TYW1: variants seen among roughly 807,000 people sequenced by gnomAD.
TYW1 encodes the protein S-adenosyl-L-methionine-dependent tRNA 4-demethylwyosine synthase TYW1.
In TYW1, 46 loss-of-function variants were observed where a neutral mutation model predicts 96.2. The ratio of observed to expected loss-of-function variants is 0.48; its 90% CI spans 0.38 to 0.61. The LOEUF is 0.61. Among genes scored for constraint, TYW1 ranks in the 20% least tolerant of loss-of-function variants. The pLI, the probability that TYW1 is intolerant of heterozygous loss-of-function variation, is 0.00. For synonymous variants in TYW1, 274 were observed against 323.0 expected, an observed-to-expected ratio of 0.85 and a Z score of 1.63; for missense variants, 684 against 909.6, an observed-to-expected ratio of 0.75 and a Z score of 3.19.
chr7:67,188,204 C>T (rs1020904371), intron 14 of TYW1, among the ~76,000 whole-genome samples: 1 of 152,042 alleles, frequency 6.6e-6, no homozygotes, highest in Non-Finnish European at 1.5e-5. Context: ...CCTATAATCC[C>T]AGCTACTCGG....
In TYW1 at chr7:67,117,487, C is replaced by A. The variant is rs748981450; in HGVS notation, c.1567C>A (p.Leu523Ile). 5.0e-6 allele frequency: 8 copies of A among 1,600,428 alleles called. No homozygotes were observed. In the East Asian group the frequency reaches 1.6e-4, roughly 31 times the overall value. Residue 523 changes from leucine (L) to isoleucine (I), a missense_variant, in exon 13 of 16, where the codon CTC becomes ATC. By Grantham distance (5) the Leu-to-Ile change is conservative. Coordinates refer to ENST00000359626, the MANE Select transcript of TYW1 (RefSeq NM_018264.4). ...NAQFPAEIRN[L>I]EPVTQLYVSV... ...TTTAAAAAAAATATTACTAAGGAAC[C>A]TCGAGCCGGTTACTCAGCTGTATGT...
chr7:67,062,512 A>G (rs1795724311), intron 9 of TYW1, among the ~76,000 whole-genome samples: 1 of 147,396 alleles, frequency 6.8e-6, no homozygotes, highest in Admixed American at 6.9e-5. Context: ...GCCCATCTGC[A>G]GTCACCCAGA....
At chr7:67,236,449 G>A (rs1315687054) in intron 15 of TYW1, among the ~76,000 whole-genome samples, 1 of 152,198 alleles carries the variant, frequency 6.6e-6, no homozygotes, top group African/African-American at 2.4e-5. Flanking sequence ...AGGGAGAATC[G>A]ATGGAGGTGG....
At chr7:67,085,537 T>G (rs1216751771) in intron 11 of TYW1, among the ~76,000 whole-genome samples, 5 of 152,214 alleles carry the variant, frequency 3.3e-5, no homozygotes, top group Non-Finnish European at 7.3e-5. Flanking sequence ...AAACCTCTTT[T>G]CCTTTATAAA....
intron 7 of TYW1, among the ~76,000 whole-genome samples, chr7:67,034,887 A>G (rs1454125674): frequency 6.6e-6 from 1 of 152,200 alleles, no homozygotes; most frequent in Non-Finnish European, 1.5e-5. Context: ...ATATTTCCAA[A>G]TCGCCTTGTG....
At chr7:67,126,852 A>G (rs1797927689) in intron 13 of TYW1, among the ~76,000 whole-genome samples, 1 of 152,178 alleles carries the variant, frequency 6.6e-6, no homozygotes, top group Non-Finnish European at 1.5e-5. Context: ...CAACAATATC[A>G]CATACATTTC....
intron 13 of TYW1, among the ~76,000 whole-genome samples, chr7:67,121,846 A>G (rs1797769206): frequency 6.6e-6 from 1 of 150,488 alleles, no homozygotes; most frequent in Non-Finnish European, 1.5e-5. Flanking sequence ...CCAGATCTTT[A>G]TCCTTTGTCA....
intron 10 of TYW1, among the ~76,000 whole-genome samples, chr7:67,072,281 C>G (rs1343358911): frequency 2.7e-5 from 4 of 149,418 alleles, no homozygotes; most frequent in Non-Finnish European, 5.9e-5. Context: ...GAGTCTCACT[C>G]TGTCACCCAG....
chr7:67,142,879 C>A (rs1028512559), intron 13 of TYW1, among the ~76,000 whole-genome samples: 5 of 152,074 alleles, frequency 3.3e-5, no homozygotes, highest in African/African-American at 1.2e-4. Context: ...TGGTGAAACC[C>A]CATCTCTACT....
chr7:67,134,518 G>A (rs2116074264), intron 13 of TYW1, among the ~76,000 whole-genome samples: 1 of 151,798 alleles, frequency 6.6e-6, no homozygotes, highest in Middle Eastern at 3.4e-3. Context: ...CTCCAGGCTA[G>A]GTGATAGAGC....
intron 13 of TYW1, among the ~76,000 whole-genome samples, chr7:67,149,233 T>C (rs1304273331): frequency 1.3e-5 from 2 of 152,198 alleles, no homozygotes; most frequent in African/African-American, 4.8e-5. Flanking sequence ...AAAGGGAAAT[T>C]AAAAAGAATG....
chr7:67,133,584 G>A (rs1446159038), intron 13 of TYW1, among the ~76,000 whole-genome samples: 1 of 144,148 alleles, frequency 6.9e-6, no homozygotes, highest in African/African-American at 2.7e-5. Flanking sequence ...TGTTGTCCCA[G>A]GTACTTGGCG....
chr7:67,121,861 G>T (rs1462460868), intron 13 of TYW1, among the ~76,000 whole-genome samples: 3 of 150,014 alleles, frequency 2.0e-5, no homozygotes, highest in Non-Finnish European at 4.4e-5. Flanking sequence ...TTGTCAAAAT[G>T]TTCCTTTTCA....
At position 67,033,535 on chromosome 7, in the gene TYW1, G is replaced by A. The variant is rs1794734792; in HGVS notation, c.984+8513G>A. ...GAGGCTGGATTGGCAGTTTTCTTGT[G>A]GGGCTAGAGGTAAGAAGCTGACAGC... On this transcript the variant is annotated intron_variant, in intron 7 of 15. Transcript: ENST00000359626. Among the ~76,000 whole-genome samples the A allele has an allele frequency of 2.0e-5, 3 of 152,152 alleles. No homozygotes were observed. The South Asian group carries it at 6.2e-4, about 32-fold the overall frequency.
At chr7:67,057,008 T>C (rs2115600912) in intron 9 of TYW1, among the ~76,000 whole-genome samples, 1 of 150,804 alleles carries the variant, frequency 6.6e-6, no homozygotes, top group South Asian at 2.1e-4. Flanking sequence ...CCTCATTGAG[T>C]TTTTTCTTTT....
chr7:67,093,130 C>T (rs910839022), intron 11 of TYW1, among the ~76,000 whole-genome samples: 1 of 152,152 alleles, frequency 6.6e-6, no homozygotes, highest in Non-Finnish European at 1.5e-5. Flanking sequence ...CACATCACTG[C>T]ACTCCAGCCT....
intron 15 of TYW1, among the ~76,000 whole-genome samples, chr7:67,221,308 C>A (rs911330920): frequency 2.6e-5 from 4 of 152,180 alleles, no homozygotes; most frequent in Admixed American, 2.6e-4. Context: ...TAGAGCCGCT[C>A]CTGCTGTCTT....
chr7:67,189,654 A>G (rs1182753990), intron 14 of TYW1, among the ~76,000 whole-genome samples: 2 of 152,154 alleles, frequency 1.3e-5, no homozygotes, highest in Non-Finnish European at 2.9e-5. Context: ...GCATAAGAAT[A>G]TCTCTTTAAT....
chr7:67,181,001 A>AT (rs879837787), intron 13 of TYW1, among the ~76,000 whole-genome samples: 40 of 146,362 alleles, frequency 2.7e-4, no homozygotes, highest in Middle Eastern at 3.5e-3. Context: ...AATGTTGTGG[A>AT]TTTTTTTTTT....
Sources: allele counts gnomAD v4.1 joint callset (sites outside exome capture counted in the v4.1 genomes callset), GRCh38; gene constraint gnomAD v4.1.1; transcripts MANE v1.5; gene names NCBI Gene and HGNC (gene_info 2026-07-23, HGNC 2026-07-21).